The following TAFA1 variants were observed in gnomAD, a reference collection of about 807,000 sequenced individuals.
TAFA1 encodes chemokine-like protein TAFA-1.
Under a neutral mutation model 18.5 loss-of-function variants are expected in TAFA1, and 4 were observed. The ratio of observed to expected loss-of-function variants is 0.22; its 90% CI spans 0.11 to 0.49. The LOEUF is 0.49. Among genes scored for constraint, TAFA1 ranks in the 20% least tolerant of loss-of-function variants. TAFA1 has a pLI of 0.98. For synonymous variants in TAFA1, 56 were observed against 55.2 expected, an observed-to-expected ratio of 1.01 and a Z score of -0.06; for missense variants, 147 against 169.0, an observed-to-expected ratio of 0.87 and a Z score of 0.72.
intron 2 of TAFA1, among the ~76,000 whole-genome samples, chr3:68,416,633 C>T (rs1484025473): frequency 2.0e-5 from 3 of 152,122 alleles, no homozygotes; most frequent in Non-Finnish European, 2.9e-5. Context: ...ATTAGTTTGC[C>T]AATAAATTCT....
intron 2 of TAFA1, among the ~76,000 whole-genome samples, chr3:68,156,663 T>A (rs1467658314): frequency 1.3e-5 from 2 of 152,106 alleles, no homozygotes. Flanking sequence ...TGACCTACAT[T>A]TTGAATTGGG....
intron 3 of TAFA1, among the ~76,000 whole-genome samples, chr3:68,482,957 C>G (rs1352425861): frequency 6.6e-6 from 1 of 152,178 alleles, no homozygotes; most frequent in South Asian, 2.1e-4. Context: ...ATTCGTGGAG[C>G]CACTAAATTC....
chr3:68,345,042 A>AAG (rs1410737928), intron 2 of TAFA1, among the ~76,000 whole-genome samples: 4 of 151,954 alleles, frequency 2.6e-5, no homozygotes, highest in Non-Finnish European at 5.9e-5. Context: ...CAAAAAAAAA[A>AAG]AAAAATTCAA....
chr3:67,996,025 G>A, the TAFA1 span, among the ~76,000 whole-genome samples: 4 of 152,232 alleles, frequency 2.6e-5, no homozygotes, highest in African/African-American at 4.8e-5. Flanking sequence ...CAGATGGTGA[G>A]TGAATAGTGA....
chr3:68,053,447 A>G (rs1478093686), intron 2 of TAFA1, among the ~76,000 whole-genome samples: 2 of 152,154 alleles, frequency 1.3e-5, no homozygotes, highest in Admixed American at 6.6e-5. Flanking sequence ...TTTTTCTAGT[A>G]GGAATGGAAA....
In TAFA1 at chr3:68,521,856, G is replaced by GTTTTTTTTTTTTTTTTTTTTTTTTTTT. The variant is rs57372768; in HGVS notation, c.260-16880_260-16879insTTTTTTTTTTTTTTTTTTTTTTTTTTT. ...TCTGGGTTTTTCTGTGTTTTTTTCT[G>GTTTTTTTTTTTTTTTTTTTTTTTTTTT]TTTTTTTTTTTTTTTTTTTTGGAGA... On this transcript the variant is annotated intron_variant, in intron 3 of 4. Transcript: ENST00000478136. Among the ~76,000 whole-genome samples, 31 of 70,848 alleles carry GTTTTTTTTTTTTTTTTTTTTTTTTTTT rather than the reference G, an allele frequency of 4.4e-4. 3 individuals carry two copies. Among genetic ancestry groups the GTTTTTTTTTTTTTTTTTTTTTTTTTTT allele is most frequent in the Non-Finnish European group, 5.8e-4 (24 of 41,222 alleles). 46.5% of individuals were successfully genotyped at this position (70,848 alleles called of 152,430 possible). A position where few individuals can be genotyped will look rare whatever the true frequency, so the allele number is the denominator to read the frequency against.
chr3:68,007,922 A>C (rs1443571075), intron 2 of TAFA1, among the ~76,000 whole-genome samples: 1 of 152,160 alleles, frequency 6.6e-6, no homozygotes, highest in Admixed American at 6.5e-5. Flanking sequence ...TGCTGGGGGC[A>C]GGCATGTCAG....
chr3:68,273,998 T>C (rs559621790), intron 2 of TAFA1, among the ~76,000 whole-genome samples: 2 of 152,174 alleles, frequency 1.3e-5, no homozygotes, highest in Admixed American at 1.3e-4. Context: ...GATTTGCTCT[T>C]ACCAGCTTTC....
intron 3 of TAFA1, among the ~76,000 whole-genome samples, chr3:68,517,135 T>C (rs1400668308): frequency 6.6e-6 from 1 of 152,210 alleles, no homozygotes; most frequent in Admixed American, 6.5e-5. Flanking sequence ...AATCTCAATT[T>C]AGTATTATCA....
At chr3:68,066,451 C>T (rs998656629) in intron 2 of TAFA1, among the ~76,000 whole-genome samples, 2 of 152,184 alleles carry the variant, frequency 1.3e-5, no homozygotes, top group African/African-American at 2.4e-5. Context: ...CACTATGCTT[C>T]TGCTTTTAAA....
intron 2 of TAFA1, among the ~76,000 whole-genome samples, chr3:68,363,460 T>C (rs929922119): frequency 1.9e-4 from 29 of 152,282 alleles, no homozygotes; most frequent in Non-Finnish European, 3.7e-4. Flanking sequence ...AAAACACCAA[T>C]GTTCAAAGAG....
chr3:68,422,990 CA>C (rs2070984848), intron 3 of TAFA1, among the ~76,000 whole-genome samples: 1 of 151,806 alleles, frequency 6.6e-6, no homozygotes, highest in Admixed American at 6.6e-5. Context: ...GATTCATAAA[CA>C]AGAGGTTGAT....
rs63748968 is a variant in TAFA1 at position 68,246,589 on chromosome 3, C to CAAAAAA, written c.119-170660_119-170655dup. Among the ~76,000 whole-genome samples the CAAAAAA allele has an allele frequency of 2.8e-3, 156 of 55,352 alleles. 34 individuals carry two copies. Among genetic ancestry groups the CAAAAAA allele is most frequent in the African/African-American group, 5.4e-3 (74 of 13,778 alleles). 36.3% of individuals were successfully genotyped at this position (55,352 alleles called of 152,430 possible). On this transcript the variant is annotated intron_variant, in intron 2 of 4. Transcript: ENST00000478136. The stretch of plus-strand genomic sequence containing the variant: ...TGGGCGACAGAGCGGGACTCCGTCT[C>CAAAAAA]AAAAAAAAAAAAAAAAAAAAAAAAA...
intron 2 of TAFA1, among the ~76,000 whole-genome samples, chr3:68,039,818 G>A (rs967832874): frequency 4.6e-5 from 7 of 152,126 alleles, no homozygotes; most frequent in Non-Finnish European, 7.4e-5. Flanking sequence ...ACTCAGTTTT[G>A]CTGGGGCTTT....
chr3:68,425,376 A>G (rs1427811751), intron 3 of TAFA1, among the ~76,000 whole-genome samples: 1 of 151,928 alleles, frequency 6.6e-6, no homozygotes, highest in Non-Finnish European at 1.5e-5. Context: ...AAGCTTGTTT[A>G]GTAGATGGAA....
chr3:68,276,253 C>T (rs1362868973), intron 2 of TAFA1, among the ~76,000 whole-genome samples: 3 of 151,998 alleles, frequency 2.0e-5, no homozygotes, highest in East Asian at 3.9e-4. Context: ...TAAAGCAACG[C>T]TTCTCAACGT....
chr3:68,402,024 T>C (rs997183017), intron 2 of TAFA1, among the ~76,000 whole-genome samples: 4 of 152,352 alleles, frequency 2.6e-5, no homozygotes, highest in African/African-American at 9.6e-5. Context: ...TTTCTTATTA[T>C]AATTTCCCCA....
At chr3:68,136,553 G>A (rs2065610387) in intron 2 of TAFA1, among the ~76,000 whole-genome samples, 1 of 152,106 alleles carries the variant, frequency 6.6e-6, no homozygotes, top group Non-Finnish European at 1.5e-5. Flanking sequence ...TCTTTACCTG[G>A]AACGGCTTCT....
chr3:68,249,200 G>A (rs562086123), intron 2 of TAFA1, among the ~76,000 whole-genome samples: 1 of 152,170 alleles, frequency 6.6e-6, no homozygotes, highest in South Asian at 2.1e-4. Context: ...AATAATCCAG[G>A]GAATAATCAG....
Sources: gnomAD v4.1 joint callset for allele counts (sites outside exome capture counted in the v4.1 genomes callset) on GRCh38, gnomAD v4.1.1 for gene constraint, MANE v1.5 for transcripts, NCBI Gene and HGNC (gene_info 2026-07-23, HGNC 2026-07-21) for gene names.